The following SYT16 variants were observed in gnomAD, a reference collection of about 807,000 sequenced individuals.
The protein encoded by SYT16 is synaptotagmin-16.
A neutral mutation model predicts 61.4 loss-of-function variants in SYT16; 42 were observed. The ratio of observed to expected loss-of-function variants is 0.68; its 90% confidence interval spans 0.53 to 0.89. The LOEUF (loss-of-function observed/expected upper bound fraction) is 0.89. Among genes scored for constraint, SYT16 ranks in the 40% least tolerant of loss-of-function variants. The probability of loss-of-function intolerance (pLI) is 0.00; values close to 1 mark genes in which losing one functional copy is unlikely to be tolerated. For synonymous variants in SYT16, 314 were observed against 302.3 expected (o/e 1.04, Z -0.40); for missense variants, 804 against 807.3 (o/e 1.00, Z 0.05).
At chr14:61,886,906 T>TTTTTC (rs2047929425) in intron 1 of SYT16, among the ~76,000 whole-genome samples, 2 of 144,190 alleles carry the variant, frequency 1.4e-5, no homozygotes, top group African/African-American at 2.7e-5. Context: ...GTCTTTTTTT[T>TTTTTC]TTTTTCCTTT....
chr14:61,995,251 C>T (rs927631837), intron 2 of SYT16, among the ~76,000 whole-genome samples: 4 of 151,976 alleles, frequency 2.6e-5, no homozygotes, highest in Non-Finnish European at 1.5e-5. Flanking sequence ...TATCTATCTT[C>T]GGGAGGTTGG....
At chr14:61,989,952 G>A (rs2052478166) in intron 2 of SYT16, among the ~76,000 whole-genome samples, 1 of 152,104 alleles carries the variant, frequency 6.6e-6, no homozygotes, top group Non-Finnish European at 1.5e-5. Flanking sequence ...TACTGTATCC[G>A]TATTTTTGCC....
At chr14:61,992,807 TA>T (rs898506722) in intron 2 of SYT16, among the ~76,000 whole-genome samples, 4 of 152,024 alleles carry the variant, frequency 2.6e-5, no homozygotes, top group African/African-American at 9.7e-5. Context: ...GAAGATTATA[TA>T]GAGTTGGAAA....
chr14:61,872,815 G>A (rs976558959), intron 1 of SYT16, among the ~76,000 whole-genome samples: 1 of 152,174 alleles, frequency 6.6e-6, no homozygotes, highest in African/African-American at 2.4e-5. Flanking sequence ...TCAGGGCAGG[G>A]AGTTAGCTCT....
chr14:62,082,703 G>A (rs374287743), intron 6 of SYT16, among the ~76,000 whole-genome samples: 2 of 152,320 alleles, frequency 1.3e-5, no homozygotes, highest in East Asian at 3.9e-4. Flanking sequence ...AAAACAGAAT[G>A]CAGTGGAGAT....
intron 3 of SYT16, among the ~76,000 whole-genome samples, chr14:62,048,194 T>A (rs1595261875): frequency 6.6e-6 from 1 of 152,214 alleles, no homozygotes; most frequent in Admixed American, 6.5e-5. Context: ...TTCTTCCTGG[T>A]TTAGTCTTGG....
At chr14:62,083,730 T>C (rs2056790126) in intron 6 of SYT16, among the ~76,000 whole-genome samples, 1 of 152,176 alleles carries the variant, frequency 6.6e-6, no homozygotes, top group African/African-American at 2.4e-5. Context: ...CCAGTGGTCA[T>C]TTCTTTTATA....
intron 1 of SYT16, among the ~76,000 whole-genome samples, chr14:61,929,122 T>TA (rs1330905966): frequency 6.6e-6 from 1 of 152,192 alleles, no homozygotes; most frequent in African/African-American, 2.4e-5. Flanking sequence ...ATCCGGGGAT[T>TA]ACTAGTAAAG....
In SYT16 at chr14:62,104,708, T is replaced by A. The variant is rs527781279; in HGVS notation, c.*4001T>A. On this transcript the variant is annotated 3_prime_UTR_variant, in exon 8 of 8. Transcript: ENST00000683842. ...ATGAGATTGGCATAGCACAGTGAAG[T>A]TGGCACAAACTGTGATCCTGGCCTG... The A allele has an allele frequency of 6.6e-6, 1 of 152,350 alleles. No individual in the cohort carries two copies. The highest frequency in any genetic ancestry group is 1.9e-4 in the East Asian group (1 of 5,194). The allele number at this position is 152,350 out of a possible 1,614,324, so 9.4% of individuals were successfully genotyped here. A position where few individuals can be genotyped will look rare whatever the true frequency, so the allele number is the denominator to read the frequency against.
chr14:61,900,577 A>C (rs777646287), intron 1 of SYT16, among the ~76,000 whole-genome samples: 1 of 148,870 alleles, frequency 6.7e-6, no homozygotes, highest in Non-Finnish European at 1.5e-5. Flanking sequence ...GCTTTTGTTA[A>C]TTTAAATCAA....
At chr14:62,091,140 T>C (rs67507772) in intron 7 of SYT16, among the ~76,000 whole-genome samples, 40,996 of 152,004 alleles carry the variant, frequency 0.27, 5,607 homozygotes, top group East Asian at 0.37. Flanking sequence ...CAGTTACCTA[T>C]AGAGGAATCA....
intron 1 of SYT16, among the ~76,000 whole-genome samples, chr14:61,873,962 A>C (rs2047408981): frequency 6.6e-6 from 1 of 152,232 alleles, no homozygotes; most frequent in Non-Finnish European, 1.5e-5. Flanking sequence ...GTAAAGGAGA[A>C]TATATTCTGC....
rs1444194985 is a variant in SYT16 at position 62,084,358 on chromosome 14, C to T, written c.1597C>T (p.Arg533Ter). The change falls in exon 7 of 8, where the codon CGA (arginine) becomes TGA (stop). Residue 533 changes from arginine to a stop codon, truncating the protein, a stop_gained. Transcript: ENST00000683842. LOFTEE classifies it high-confidence loss of function. ...SVEMIKGSHF[R>*]NLAVNRAPDT... ...GGAAATGATCAAAGGCAGCCATTTC[C>T]GAAACCTCGCTGTTAACCGAGCACC... is the stretch of plus-strand genomic sequence containing the variant. 8 of 1,612,418 alleles carry T rather than the reference C, an allele frequency of 5.0e-6. No homozygotes were observed. The highest frequency in any genetic ancestry group is 1.1e-5 in the South Asian group (1 of 90,988).
rs1227094073 is a variant in SYT16 at position 62,069,646 on chromosome 14, C to T, written c.567C>T (p.Asp189=). ...ACGAAGAGCTGTCCACATCTTCTGA[C>T]AGTGACGAGGAGGTGATCAAACAAT... ...GDDEELSTSS[D]SDEEVIKQFE... The change falls in exon 4 of 8, where the codon GAC becomes GAT. Residue 189 remains aspartate, a synonymous_variant. Transcript: ENST00000683842. 6.2e-7 allele frequency: 1 copy of T among 1,613,980 alleles called. No individual in the cohort carries two copies. The highest frequency in any genetic ancestry group is 1.3e-5 in the African/African-American group (1 of 75,048).
At chr14:62,020,980 G>A (rs903841721) in intron 3 of SYT16, among the ~76,000 whole-genome samples, 1 of 152,146 alleles carries the variant, frequency 6.6e-6, no homozygotes, top group African/African-American at 2.4e-5. Flanking sequence ...TAAAAAACCT[G>A]TGTACCTGCT....
chr14:62,075,431 C>T, intron 5 of SYT16, 40 bp downstream of exon 5: 1 of 1,558,504 alleles, frequency 6.4e-7, no homozygotes, highest in East Asian at 2.3e-5. Flanking sequence ...GGTTCCCTTT[C>T]CCCTTCCCCT....
chr14:61,958,737 T>G (rs956987089), intron 1 of SYT16, among the ~76,000 whole-genome samples: 1 of 152,194 alleles, frequency 6.6e-6, no homozygotes, highest in Middle Eastern at 3.4e-3. Context: ...TGCTGTTGGG[T>G]GGAATGTTCT....
intron 3 of SYT16, among the ~76,000 whole-genome samples, chr14:62,012,889 T>G (rs2053524772): frequency 6.6e-6 from 1 of 152,214 alleles, no homozygotes; most frequent in South Asian, 2.1e-4. Flanking sequence ...GAATACAGAC[T>G]GCAGGGAAAC....
At chr14:62,016,021 A>G (rs2053660291) in intron 3 of SYT16, among the ~76,000 whole-genome samples, 1 of 152,224 alleles carries the variant, frequency 6.6e-6, no homozygotes. Context: ...TGTGGCTAAC[A>G]TGGTATCACC....
Sources: allele counts gnomAD v4.1 joint callset (sites outside exome capture counted in the v4.1 genomes callset), GRCh38; gene constraint gnomAD v4.1.1; transcripts MANE v1.5; gene names NCBI Gene and HGNC (gene_info 2026-07-23, HGNC 2026-07-21).